YTHDC1: variants seen among roughly 807,000 people sequenced by gnomAD.
The protein encoded by YTHDC1 is YTH N6-methyladenosine RNA binding protein C1, also known as YTH domain-containing protein 1.
Under a neutral mutation model 107.0 loss-of-function variants are expected in YTHDC1, and 12 were observed. The ratio of observed to expected loss-of-function variants is 0.11; its 90% CI spans 0.07 to 0.18. The LOEUF (loss-of-function observed/expected upper bound fraction) is 0.18, where lower values mean the gene tolerates loss of function less well. YTHDC1 is among the 10% of genes least tolerant of loss of function. The pLI is 1.00. For synonymous variants in YTHDC1, 280 were observed against 289.5 expected (o/e 0.97, Z 0.33); for missense variants, 635 against 898.8 (o/e 0.71, Z 3.75).
intron 5 of YTHDC1, 149 bp from the exon 6 acceptor site, chr4:68,332,996 C>G (rs1308023641): frequency 1.5e-6 from 1 of 674,424 alleles, no homozygotes; most frequent in Non-Finnish European, 2.4e-6. Context: ...TCAATGTGTA[C>G]GAGTGTTTTG....
chr4:68,316,122 AAT>A, intron 16 of YTHDC1, 190 bp downstream of exon 16: 2 of 568,972 alleles, frequency 3.5e-6, no homozygotes, highest in Non-Finnish European at 5.5e-6. Flanking sequence ...CAGTAAAAGA[AAT>A]ATATTCTATC....
chr4:68,323,494 C>CA (rs1365669316), intron 10 of YTHDC1, among the ~76,000 whole-genome samples: 1 of 152,142 alleles, frequency 6.6e-6, no homozygotes, highest in African/African-American at 2.4e-5. Context: ...TTGGGAGCCC[C>CA]AGGCAGGCGG....
At chr4:68,343,776 T>TA (rs1197872731) in intron 1 of YTHDC1, among the ~76,000 whole-genome samples, 2 of 152,114 alleles carry the variant, frequency 1.3e-5, no homozygotes, top group African/African-American at 2.4e-5. Flanking sequence ...GACCTCAGGT[T>TA]AAAATCTATA....
At chr4:68,333,657 T>C (rs1007141700) in intron 4 of YTHDC1, among the ~76,000 whole-genome samples, 4 of 152,016 alleles carry the variant, frequency 2.6e-5, no homozygotes, top group African/African-American at 9.7e-5. Flanking sequence ...TTAATTGCCA[T>C]ATATAGGTGG....
chr4:68,336,028 A>T (rs562022003), intron 4 of YTHDC1, among the ~76,000 whole-genome samples: 2 of 148,064 alleles, frequency 1.4e-5, no homozygotes, highest in South Asian at 2.1e-4. Context: ...TATAGTATAG[A>T]TATATACTAT....
chr4:68,320,531 A>C (rs2109687326), intron 11 of YTHDC1, among the ~76,000 whole-genome samples: 1 of 151,056 alleles, frequency 6.6e-6, no homozygotes, highest in African/African-American at 2.5e-5. Flanking sequence ...CAAACTAAAT[A>C]TCAGTTTTAA....
At chr4:68,327,224 G>A (rs1723091507) in intron 9 of YTHDC1, among the ~76,000 whole-genome samples, 1 of 151,842 alleles carries the variant, frequency 6.6e-6, no homozygotes, top group Non-Finnish European at 1.5e-5. Context: ...CAACAAGAGC[G>A]AAACTCCGTC....
In YTHDC1 at chr4:68,311,219, T is replaced by A. The variant is rs962917060; in HGVS notation, c.*2880A>T. On this transcript the variant is annotated 3_prime_UTR_variant, in exon 17 of 17. Transcript: ENST00000344157. ...GACATGGACACTGGGAGGAAAATAG[T>A]CTCTCTCCTGCCACTGAAACTACAT... 1 of 151,990 alleles carries A rather than the reference T, an allele frequency of 6.6e-6. No individual in the cohort carries two copies. Among genetic ancestry groups the A allele is most frequent in the Non-Finnish European group, 1.5e-5 (1 of 68,004 alleles). 9.4% of individuals were successfully genotyped at this position (151,990 alleles called of 1,614,324 possible).
intron 16 of YTHDC1, 31 bp from the exon 17 acceptor site, chr4:68,314,354 T>C: frequency 6.2e-7 from 1 of 1,607,880 alleles, no homozygotes; most frequent in Non-Finnish European, 8.5e-7. Flanking sequence ...GTTAGGTATG[T>C]CAAAAAGGCA....
rs1232358282 is a variant in YTHDC1 at position 68,311,846 on chromosome 4, G to A, written c.*2253C>T. The A allele has an allele frequency of 1.3e-5, 2 of 152,162 alleles. No homozygotes were observed. The highest frequency in any genetic ancestry group is 2.4e-5 in the African/African-American group (1 of 41,438). The allele number at this position is 152,162 out of a possible 1,614,324, so 9.4% of individuals were successfully genotyped here. On this transcript the variant is annotated 3_prime_UTR_variant, in exon 17 of 17. Coordinates refer to ENST00000344157, the MANE Select transcript of YTHDC1 (RefSeq NM_001031732.4). ...TCCTCTGCTTAAGCCTGAAGGAAAT[G>A]TTAATGTTTAAAAATCTCAGGCCAG...
chr4:68,326,519 A>C (rs1035150247), intron 9 of YTHDC1, among the ~76,000 whole-genome samples: 2 of 152,194 alleles, frequency 1.3e-5, no homozygotes, highest in African/African-American at 4.8e-5. Context: ...GAGTTCTTTG[A>C]GAACATGTAA....
At chr4:68,332,073 G>A in intron 7 of YTHDC1, 30 bp downstream of exon 7, 1 of 1,427,086 alleles carries the variant, frequency 7.0e-7, no homozygotes, top group Non-Finnish European at 9.6e-7. Flanking sequence ...TTTGATATTA[G>A]GATAGTTTCA....
chr4:68,332,108 C>A lies in YTHDC1; in HGVS notation c.1117G>T (p.Ala373Ser). 6.3e-7 allele frequency: 1 copy of A among 1,594,230 alleles called. No individual in the cohort carries two copies. The highest frequency in any genetic ancestry group is 8.5e-7 in the Non-Finnish European group (1 of 1,170,682). ...AACAGAACTGATGCTAATACCTTCGCTTTGGCAAGAGACACATTCTCATGG... is the reference window on the plus strand; with the variant it reads ...AACAGAACTGATGCTAATACCTTCGATTTGGCAAGAGACACATTCTCATGG... ...NNHENVSLAK[A>S]KGVWSTLPVN... Residue 373 changes from alanine to serine, a missense_variant, in exon 7 of 17, where the codon GCG (alanine) becomes TCG (serine). Physicochemically the swap from Ala to Ser is moderately conservative, Grantham distance 99. Around this residue, in one of 5 missense-constraint regions of YTHDC1, gnomAD observed 60 missense variants for 172.0 expected, o/e 0.35. Transcript: ENST00000344157.
intron 7 of YTHDC1, 37 bp from the exon 8 acceptor site, chr4:68,330,347 A>T: frequency 7.4e-7 from 1 of 1,353,860 alleles, no homozygotes; most frequent in Non-Finnish European, 1.0e-6. Context: ...AGTGAAATTA[A>T]CTACAACTCT....
chr4:68,317,023 G>A (rs1231707310), intron 15 of YTHDC1, among the ~76,000 whole-genome samples: 2 of 152,152 alleles, frequency 1.3e-5, no homozygotes, highest in African/African-American at 4.8e-5. Context: ...CTTAAGCCAG[G>A]AGTTGGAGAC....
chr4:68,313,825 T>C lies in YTHDC1; in HGVS notation c.*274A>G, dbSNP rs1560466620. 4.4e-6 allele frequency: 2 copies of C among 455,008 alleles called. No homozygotes were observed. Among genetic ancestry groups the C allele is most frequent in the Non-Finnish European group, 7.8e-6 (2 of 257,160 alleles). The allele number at this position is 455,008 out of a possible 1,614,324, so 28.2% of individuals were successfully genotyped here. On this transcript the variant is annotated 3_prime_UTR_variant, in exon 17 of 17. Coordinates refer to ENST00000344157, the MANE Select transcript of YTHDC1 (RefSeq NM_001031732.4). ...GATGAACACACTATAAGAACATTTA[T>C]GGAGAAAGAATCAGTATCTACATTC...
rs1218769585 is a variant in YTHDC1, at chr4:68,337,063, C to T, written c.847G>A (p.Gly283Arg). Residue 283 changes from glycine to arginine, a missense_variant, in exon 4 of 17, where the codon GGG (glycine) becomes AGG (arginine). Gly to Arg is a moderately radical substitution (Grantham distance 125). This residue lies in a region of YTHDC1 where 294 missense variants were observed against 312.3 expected (regional missense o/e 0.94). Coordinates refer to ENST00000344157, the MANE Select transcript of YTHDC1 (RefSeq NM_001031732.4). ...SGSESVSFTD[G>R]SVRSGSGTDG... ...GTGCCTGAACCAGATCTGACAGACC[C>T]ATCTGTGAAGGAAACAGATTCAGAA... 1.9e-6 allele frequency: 3 copies of T among 1,613,506 alleles called. No homozygotes were observed. The highest frequency in any genetic ancestry group is 2.5e-6 in the Non-Finnish European group (3 of 1,179,680).
chr4:68,332,384 T>C (rs538260867), intron 6 of YTHDC1, among the ~76,000 whole-genome samples, 187 bp from the exon 7 acceptor site: 54 of 152,184 alleles, frequency 3.5e-4, no homozygotes, highest in Non-Finnish European at 1.2e-4. Flanking sequence ...AATCAGCATA[T>C]TGCAAGAAAG....
intron 1 of YTHDC1, among the ~76,000 whole-genome samples, chr4:68,340,740 T>C (rs180890314): frequency 6.6e-6 from 1 of 152,178 alleles, no homozygotes; most frequent in East Asian, 1.9e-4. Context: ...AATAATGCTA[T>C]ACAAATCTTT....
Sources: allele counts gnomAD v4.1 joint callset (sites outside exome capture counted in the v4.1 genomes callset), GRCh38; gene constraint gnomAD v4.1.1; regional missense constraint gnomAD v4.1.1; transcripts MANE v1.5; gene names NCBI Gene and HGNC (gene_info 2026-07-23, HGNC 2026-07-21).